The following KHDRBS2 variants were observed in gnomAD, a reference collection of about 807,000 sequenced individuals.
KHDRBS2 encodes the protein KH domain-containing, RNA-binding, signal transduction-associated protein 2.
A neutral mutation model predicts 44.3 loss-of-function variants in KHDRBS2; 26 were observed. That is an observed-to-expected ratio of 0.59 (90% CI 0.43 to 0.81). KHDRBS2 has a LOEUF of 0.81. KHDRBS2 is among the 40% of genes least tolerant of loss of function. The probability of loss-of-function intolerance (pLI) is 0.00; values close to 1 mark genes in which losing one functional copy is unlikely to be tolerated. For missense variants in KHDRBS2, 476 were observed against 433.1 expected (o/e 1.10, Z -0.88); for synonymous variants, 194 against 151.1 (o/e 1.28, Z -2.08).
At chr6:61,668,293 G>A in the KHDRBS2 span, among the ~76,000 whole-genome samples, 4 of 151,030 alleles carry the variant, frequency 2.6e-5, no homozygotes, top group South Asian at 2.1e-4. Context: ...ATCTTAAGGT[G>A]CATAATATGC....
At chr6:61,859,874 T>A (rs1476910420) in intron 6 of KHDRBS2, among the ~76,000 whole-genome samples, 1 of 151,910 alleles carries the variant, frequency 6.6e-6, no homozygotes, top group Admixed American at 6.6e-5. Flanking sequence ...ATAATAATTA[T>A]AACAAGGAAT....
Position 61,748,596 on chromosome 6 carries a change from T to C in KHDRBS2, c.811-15832A>G, listed in dbSNP as rs372043430. ...TTAATAAACATTTTTATATATTCTATTGTAACTATCAAATGTAACTTATAT... is the reference window on the plus strand; with the variant it reads ...TTAATAAACATTTTTATATATTCTACTGTAACTATCAAATGTAACTTATAT... On this transcript the variant is annotated intron_variant, in intron 6 of 8. Transcript: ENST00000281156. 3.3e-5 allele frequency among the ~76,000 whole-genome samples: 5 copies of C among 152,358 alleles called. No homozygotes were observed. In the South Asian group the frequency reaches 8.3e-4, roughly 25 times the overall value.
chr6:62,154,718 T>C (rs185982706), intron 2 of KHDRBS2, among the ~76,000 whole-genome samples: 6 of 152,230 alleles, frequency 3.9e-5, no homozygotes, highest in Admixed American at 3.9e-4. Context: ...ACAAATGATA[T>C]TGAGGAGAAT....
chr6:62,282,491 G>A (rs1561914800), intron 1 of KHDRBS2, among the ~76,000 whole-genome samples: 2 of 152,044 alleles, frequency 1.3e-5, no homozygotes, highest in Admixed American at 1.3e-4. Flanking sequence ...AATTTATAAT[G>A]CTCCTAGGAG....
the KHDRBS2 span, among the ~76,000 whole-genome samples, chr6:61,546,860 A>G: frequency 1.3e-5 from 2 of 152,086 alleles, no homozygotes; most frequent in African/African-American, 4.8e-5. Flanking sequence ...TATACTTTAC[A>G]AATTTCTGTT....
At chr6:62,188,196 C>A (rs1275722728) in intron 1 of KHDRBS2, among the ~76,000 whole-genome samples, 1 of 152,054 alleles carries the variant, frequency 6.6e-6, no homozygotes, top group South Asian at 2.1e-4. Context: ...ACTGGGGATT[C>A]TATTTCATCA....
chr6:62,150,250 C>A (rs1354543281), intron 2 of KHDRBS2, among the ~76,000 whole-genome samples: 1 of 151,826 alleles, frequency 6.6e-6, no homozygotes, highest in African/African-American at 2.4e-5. Flanking sequence ...ATTTTTGCTG[C>A]CACCATGTGG....
intron 3 of KHDRBS2, among the ~76,000 whole-genome samples, chr6:62,047,328 A>T (rs1787934493): frequency 6.6e-6 from 1 of 151,994 alleles, no homozygotes; most frequent in Non-Finnish European, 1.5e-5. Context: ...CATTTCAAAC[A>T]TCAAACTTGA....
intron 4 of KHDRBS2, among the ~76,000 whole-genome samples, chr6:61,944,165 A>T (rs530404320): frequency 2.0e-5 from 3 of 152,316 alleles, no homozygotes; most frequent in African/African-American, 7.2e-5. Flanking sequence ...ACTATTGGGT[A>T]TCCAAAGGAA....
chr6:62,183,369 C>T (rs1447828953), intron 1 of KHDRBS2, among the ~76,000 whole-genome samples: 1 of 151,440 alleles, frequency 6.6e-6, no homozygotes, highest in Non-Finnish European at 1.5e-5. Flanking sequence ...AAGTGTTTCC[C>T]AGTCATTTCA....
At chr6:62,224,660 A>C (rs1831464829) in intron 1 of KHDRBS2, among the ~76,000 whole-genome samples, 1 of 152,228 alleles carries the variant, frequency 6.6e-6, no homozygotes, top group African/African-American at 2.4e-5. Context: ...ATATTTAAAA[A>C]GGTATCAGTC....
In KHDRBS2 at chr6:61,919,732, C is replaced by CA. The variant is rs536035250; in HGVS notation, c.484-18362dup. Among the ~76,000 whole-genome samples the CA allele has an allele frequency of 3.8e-3, 574 of 150,854 alleles. 5 individuals are homozygous for CA. The highest frequency in any genetic ancestry group is 0.012 in the African/African-American group (505 of 41,186). On this transcript the variant is annotated intron_variant, in intron 4 of 8. Transcript: ENST00000281156. ...AAAAAAACCTGAAGAACAACAACAA[C>CA]AAAAAAAAACCCCACCAAACCATCA...
At position 61,930,527 on chromosome 6, in the gene KHDRBS2, AAAAAAAAAAAAAAAAAAAG is replaced by A. The variant is rs1403669901; in HGVS notation, c.484-29175_484-29157del. Among the ~76,000 whole-genome samples the A allele has an allele frequency of 6.5e-3, 155 of 23,792 alleles. 2 individuals carry two copies. The highest frequency in any genetic ancestry group is 0.021 in the South Asian group (14 of 658). The allele number at this position is 23,792 out of a possible 152,430, so 15.6% of individuals were successfully genotyped here. On this transcript the variant is annotated intron_variant, in intron 4 of 8. Transcript: ENST00000281156. ...TAATGGACCCTATACCGCCCCTAAA[AAAAAAAAAAAAAAAAAAAG>A]AAAAAAAAAAAAAAAAAAAAAGGCT...
rs557917932 is a variant in KHDRBS2, at chr6:61,754,363, C to T, written c.811-21599G>A. Among the ~76,000 whole-genome samples the T allele has an allele frequency of 3.9e-5, 6 of 152,182 alleles. No homozygotes were observed. The South Asian group carries it at 8.3e-4, about 21-fold the overall frequency. On this transcript the variant is annotated intron_variant, in intron 6 of 8. Coordinates refer to ENST00000281156, the MANE Select transcript of KHDRBS2 (RefSeq NM_152688.4). ...GATTGAGAGCTCACCAATCTTCAGT[C>T]GTATGTGTGCTGTAGACTTAACGCT...
chr6:61,635,547 G>A, the KHDRBS2 span, among the ~76,000 whole-genome samples: 1 of 152,008 alleles, frequency 6.6e-6, no homozygotes. Context: ...CATATCACCT[G>A]AAATTGAATT....
chr6:61,891,301 T>A lies in KHDRBS2; in HGVS notation c.810+3334A>T, dbSNP rs139758444. 4.9e-4 allele frequency among the ~76,000 whole-genome samples: 74 copies of A among 152,340 alleles called. No individual in the cohort carries two copies. The East Asian group carries it at 0.013, about 28-fold the overall frequency. Reference sequence around the variant, plus strand: ...AATATTTACAGAAGACCATGGTGGATAAGCTTTTTGATGTGCTGCTGGATT... The same window carrying A: ...AATATTTACAGAAGACCATGGTGGAAAAGCTTTTTGATGTGCTGCTGGATT... On this transcript the variant is annotated intron_variant, in intron 6 of 8. Coordinates refer to ENST00000281156, the MANE Select transcript of KHDRBS2 (RefSeq NM_152688.4).
the KHDRBS2 span, among the ~76,000 whole-genome samples, chr6:61,568,814 C>G: frequency 6.6e-6 from 1 of 152,230 alleles, no homozygotes; most frequent in South Asian, 2.1e-4. Flanking sequence ...CACAGGGGCC[C>G]TCAGGGAAGG....
At chr6:61,811,411 T>C (rs1310744703) in intron 6 of KHDRBS2, among the ~76,000 whole-genome samples, 2 of 152,162 alleles carry the variant, frequency 1.3e-5, no homozygotes, top group Admixed American at 1.3e-4. Context: ...GCGATGAACA[T>C]CCAAGTCCAT....
chr6:61,806,299 C>G (rs1309539853), intron 6 of KHDRBS2, among the ~76,000 whole-genome samples: 1 of 152,138 alleles, frequency 6.6e-6, no homozygotes, highest in Non-Finnish European at 1.5e-5. Context: ...ATAAAAGCAG[C>G]CTGATATCCT....
Sources: allele counts gnomAD v4.1 joint callset (sites outside exome capture counted in the v4.1 genomes callset), GRCh38; gene constraint gnomAD v4.1.1; transcripts MANE v1.5; gene names NCBI Gene and HGNC (gene_info 2026-07-23, HGNC 2026-07-21).